The following NPAS3 variants were observed in gnomAD, a reference collection of about 807,000 sequenced individuals.
NPAS3 encodes neuronal PAS domain-containing protein 3.
In NPAS3, 14 loss-of-function variants were observed where a neutral mutation model predicts 73.1. The ratio of observed to expected loss-of-function variants is 0.19; its 90% CI spans 0.13 to 0.30. NPAS3 has a LOEUF of 0.30. Ranked by LOEUF, NPAS3 falls within the 10% of genes least tolerant of loss-of-function variation. The pLI is 1.00. For synonymous variants in NPAS3, 620 were observed against 541.5 expected, an observed-to-expected ratio of 1.14 and a Z score of -2.01; for missense variants, 1,096 against 1,250.0, an observed-to-expected ratio of 0.88 and a Z score of 1.86.
At chr14:33,743,504 G>A (rs2061706007) in intron 7 of NPAS3, among the ~76,000 whole-genome samples, 1 of 152,136 alleles carries the variant, frequency 6.6e-6, no homozygotes, top group African/African-American at 2.4e-5. Context: ...TATTTCTAAA[G>A]CATAGACAGA....
At chr14:33,141,346 T>C (rs2139176086) in intron 2 of NPAS3, among the ~76,000 whole-genome samples, 1 of 152,318 alleles carries the variant, frequency 6.6e-6, no homozygotes, top group Admixed American at 6.5e-5. Flanking sequence ...CACAGCAGAC[T>C]ACTACTTTTT....
chr14:33,593,362 A>G lies in NPAS3; in HGVS notation c.558+33152A>G, dbSNP rs183749707. Among the ~76,000 whole-genome samples the G allele has an allele frequency of 1.7e-3, 262 of 152,314 alleles. 1 individual carries two copies. The highest frequency in any genetic ancestry group is 6.8e-3 in the Middle Eastern group (2 of 294). Reference sequence around the variant, plus strand: ...TACTGGTTATTTTAACATCTTTTAAAGGCCTAAAGCACCCATCATAGTGCA... The same window carrying G: ...TACTGGTTATTTTAACATCTTTTAAGGGCCTAAAGCACCCATCATAGTGCA... On this transcript the variant is annotated intron_variant, in intron 5 of 11. Coordinates refer to ENST00000356141, the Ensembl canonical transcript of NPAS3.
chr14:33,760,797 T>A (rs146581104), intron 7 of NPAS3, among the ~76,000 whole-genome samples: 673 of 152,206 alleles, frequency 4.4e-3, no homozygotes, highest in South Asian at 5.6e-3. Flanking sequence ...TCTCCAATAA[T>A]CAAAAGAATC....
At chr14:33,442,103 T>G (rs1302027802) in intron 4 of NPAS3, among the ~76,000 whole-genome samples, 1 of 152,244 alleles carries the variant, frequency 6.6e-6, no homozygotes, top group East Asian at 1.9e-4. Context: ...ATACTCAGTG[T>G]ACCAATATTC....
Position 33,390,129 on chromosome 14 carries a change from G to C in NPAS3, c.468+22861G>C, listed in dbSNP as rs1234830949. ...AGGATTGTGCTAAGGATACTGGAAA[G>C]AGATTCATTCTTTAAGAATACAATT... On this transcript the variant is annotated intron_variant, in intron 4 of 11. Coordinates refer to ENST00000356141, the Ensembl canonical transcript of NPAS3. 2.0e-5 allele frequency among the ~76,000 whole-genome samples: 3 copies of C among 152,182 alleles called. No homozygotes were observed. In the East Asian group the frequency reaches 5.8e-4, roughly 29 times the overall value.
chr14:33,198,263 C>T (rs181802966), intron 2 of NPAS3, among the ~76,000 whole-genome samples: 68 of 151,234 alleles, frequency 4.5e-4, no homozygotes, highest in African/African-American at 1.6e-3. Context: ...AAGCAGTTTG[C>T]CCCTGCTGGC....
At chr14:33,237,543 C>T (rs1346081420) in intron 3 of NPAS3, among the ~76,000 whole-genome samples, 1 of 152,012 alleles carries the variant, frequency 6.6e-6, no homozygotes, top group Non-Finnish European at 1.5e-5. Context: ...AATTATAAAA[C>T]TAATTACTAA....
intron 4 of NPAS3, among the ~76,000 whole-genome samples, chr14:33,454,319 G>C (rs1357913283): frequency 1.3e-5 from 2 of 152,176 alleles, no homozygotes; most frequent in Non-Finnish European, 2.9e-5. Context: ...AAAAGTGAAA[G>C]TTAAAAATTA....
intron 2 of NPAS3, among the ~76,000 whole-genome samples, chr14:33,176,373 C>T (rs1051910793): frequency 6.6e-6 from 1 of 152,102 alleles, no homozygotes; most frequent in Non-Finnish European, 1.5e-5. Flanking sequence ...CCCCTCCCTG[C>T]TTATCCCTCC....
At chr14:33,529,284 T>C (rs1436400409) in intron 4 of NPAS3, among the ~76,000 whole-genome samples, 3 of 152,092 alleles carry the variant, frequency 2.0e-5, no homozygotes, top group South Asian at 2.1e-4. Flanking sequence ...ACTTCTCTTA[T>C]CTTCCCTAGG....
At chr14:33,211,073 T>A (rs2047016079) in intron 2 of NPAS3, among the ~76,000 whole-genome samples, 1 of 152,212 alleles carries the variant, frequency 6.6e-6, no homozygotes, top group Middle Eastern at 3.2e-3. Context: ...AGCATTACTA[T>A]GTGTCAGGCA....
chr14:33,587,720 CA>C (rs2056914857), intron 5 of NPAS3, among the ~76,000 whole-genome samples: 1 of 152,208 alleles, frequency 6.6e-6, no homozygotes, highest in Non-Finnish European at 1.5e-5. Flanking sequence ...TCTTCTCTCT[CA>C]AAAGGATTTT....
chr14:33,619,423 T>C (rs1379704130), intron 5 of NPAS3, among the ~76,000 whole-genome samples: 1 of 151,916 alleles, frequency 6.6e-6, no homozygotes, highest in Admixed American at 6.6e-5. Flanking sequence ...TTAAACTATA[T>C]GAAATGAGAC....
intron 6 of NPAS3, among the ~76,000 whole-genome samples, chr14:33,706,964 A>G (rs2060672581): frequency 6.6e-6 from 1 of 152,238 alleles, no homozygotes; most frequent in South Asian, 2.1e-4. Flanking sequence ...AAATCACTTC[A>G]GGAACAGCAA....
At chr14:32,978,785 C>T (rs972985188) in intron 1 of NPAS3, among the ~76,000 whole-genome samples, 4 of 152,146 alleles carry the variant, frequency 2.6e-5, no homozygotes, top group African/African-American at 7.2e-5. Context: ...AATGGATTGG[C>T]GAGAAAGGTC....
At chr14:33,535,318 A>G (rs748072419) in intron 4 of NPAS3, among the ~76,000 whole-genome samples, 3 of 152,206 alleles carry the variant, frequency 2.0e-5, no homozygotes, top group Admixed American at 6.5e-5. Flanking sequence ...GTATTTGACT[A>G]GACTAGTATG....
chr14:33,374,152 A>C (rs2046217539), intron 4 of NPAS3, among the ~76,000 whole-genome samples: 1 of 152,188 alleles, frequency 6.6e-6, no homozygotes, highest in East Asian at 1.9e-4. Flanking sequence ...TTGTGTGGCT[A>C]AGATGGATAA....
intron 4 of NPAS3, among the ~76,000 whole-genome samples, chr14:33,528,549 ACT>A (rs1472363870): frequency 2.0e-4 from 30 of 151,216 alleles, no homozygotes; most frequent in African/African-American, 6.1e-4. Flanking sequence ...CAAGTGGAAA[ACT>A]CTCTTTTTTC....
chr14:32,961,079 T>A (rs547947523), intron 1 of NPAS3, among the ~76,000 whole-genome samples: 3 of 152,206 alleles, frequency 2.0e-5, no homozygotes, highest in Non-Finnish European at 4.4e-5. Context: ...AAAGTGATAT[T>A]TGACCAGTAA....
Sources: allele counts gnomAD v4.1 joint callset (sites outside exome capture counted in the v4.1 genomes callset), GRCh38; gene constraint gnomAD v4.1.1; transcripts MANE v1.5; gene names NCBI Gene and HGNC (gene_info 2026-07-23, HGNC 2026-07-21).